Variants in ADGRA1 observed in about 807,000 individuals in gnomAD.
ADGRA1 encodes the protein adhesion G protein-coupled receptor A1.
ADGRA1 carries 12 observed loss-of-function variants against 21.3 expected under a neutral mutation model. That is an observed-to-expected ratio of 0.56 (90% CI 0.36 to 0.91). The LOEUF (loss-of-function observed/expected upper bound fraction) is 0.91, where lower values mean the gene tolerates loss of function less well. ADGRA1 is among the 40% of genes least tolerant of loss of function. ADGRA1 has a pLI of 0.01. For synonymous variants in ADGRA1, 385 were observed against 368.8 expected, an observed-to-expected ratio of 1.04 and a Z score of -0.50; for missense variants, 790 against 805.6, an observed-to-expected ratio of 0.98 and a Z score of 0.23.
Position 133,088,568 on chromosome 10 carries a change from G to A in ADGRA1, c.-202-140G>A, listed in dbSNP as rs376606095. 27 of 391,088 alleles carry A rather than the reference G, an allele frequency of 6.9e-5. No individual in the cohort carries two copies. In the East Asian group the frequency reaches 1.3e-3, roughly 19 times the overall value. 24.2% of individuals were successfully genotyped at this position (391,088 alleles called of 1,614,324 possible). A position where few individuals can be genotyped will look rare whatever the true frequency, so the allele number is the denominator to read the frequency against. ...GTCCCCACCGGCACCGCCTCCGCCA[G>A]CCCCAGGCGCAGCCCCCAGGCCGCC... On this transcript the variant is annotated intron_variant, in intron 1 of 6. Transcript: ENST00000392607.
chr10:133,129,000 C>T lies in ADGRA1; in HGVS notation c.1172C>T (p.Pro391Leu). The T allele has an allele frequency of 6.4e-7, 1 of 1,570,788 alleles. No homozygotes were observed. Among genetic ancestry groups the T allele is most frequent in the South Asian group, 1.2e-5 (1 of 86,200 alleles). The change falls in exon 7 of 7, where the codon CCA becomes CTA. Residue 391 changes from proline to leucine, a missense_variant. By Grantham distance (98) the Pro-to-Leu change is moderately conservative (BLOSUM62 -3). Coordinates refer to ENST00000392607, the MANE Select transcript of ADGRA1 (RefSeq NM_001083909.3). The stretch of plus-strand genomic sequence containing the variant: ...TGCTGCGCCAAGATGCACTGCGAGC[C>T]ACTGACGGCGGACGAGGCGCACGTG... The part of the protein sequence containing the change: ...TPCCAKMHCE[P>L]LTADEAHVHL...
At chr10:133,091,643 CT>C (rs1486406600) in intron 2 of ADGRA1, among the ~76,000 whole-genome samples, 3 of 152,214 alleles carry the variant, frequency 2.0e-5, no homozygotes, top group Non-Finnish European at 4.4e-5. Flanking sequence ...AGGGCTGACT[CT>C]TGGTCATCAG....
chr10:133,105,895 C>A (rs1176714268), intron 5 of ADGRA1, among the ~76,000 whole-genome samples: 1 of 152,216 alleles, frequency 6.6e-6, no homozygotes, highest in African/African-American at 2.4e-5. Flanking sequence ...CCACCTCTCC[C>A]CTCAAGCAGG....
chr10:133,121,950 C>CA (rs1852275909), intron 5 of ADGRA1, among the ~76,000 whole-genome samples: 3 of 142,676 alleles, frequency 2.1e-5, no homozygotes, highest in African/African-American at 7.9e-5. Flanking sequence ...TGTGAGTGTG[C>CA]TTGTGTGAGT....
chr10:133,112,420 C>CAGGCCGCGTCGGTTATTTGAGGTCTGT (rs1852057028), intron 5 of ADGRA1, among the ~76,000 whole-genome samples: 1 of 102,874 alleles, frequency 9.7e-6, no homozygotes. Flanking sequence ...TTGGGGTCTG[C>CAGGCCGCGTCGGTTATTTGAGGTCTGT]GGGCCATGTC....
At position 133,124,168 on chromosome 10, in the gene ADGRA1, TCCCCGGCCAGGCCA is replaced by T. The variant is rs1309846107; in HGVS notation, c.402-3061_402-3048del. 2.7e-5 allele frequency among the ~76,000 whole-genome samples: 4 copies of T among 150,864 alleles called. No individual in the cohort carries two copies. In the East Asian group the frequency reaches 7.9e-4, roughly 30 times the overall value. On this transcript the variant is annotated intron_variant, in intron 5 of 6. Coordinates refer to ENST00000392607, the MANE Select transcript of ADGRA1 (RefSeq NM_001083909.3). ...GCCCACCCTCTTGGGCTCTGCACCCTCCCCGGCCAGGCCACCCTCTTGGGCTCTGCACCCTCCCC... is the reference window on the plus strand; with the variant it reads ...GCCCACCCTCTTGGGCTCTGCACCCTCCCTCTTGGGCTCTGCACCCTCCCC...
intron 5 of ADGRA1, among the ~76,000 whole-genome samples, chr10:133,115,105 G>A (rs1443414313): frequency 6.6e-6 from 1 of 152,178 alleles, no homozygotes; most frequent in East Asian, 1.9e-4. Context: ...CATCGAGAGG[G>A]TCCCGGAAGG....
intron 5 of ADGRA1, among the ~76,000 whole-genome samples, chr10:133,112,370 C>T (rs892323526): frequency 6.6e-6 from 1 of 150,996 alleles, no homozygotes; most frequent in Non-Finnish European, 1.5e-5. Context: ...GGTCTGCGGG[C>T]CGTGTCGGTT....
At chr10:133,103,734 G>A (rs951909478) in intron 5 of ADGRA1, among the ~76,000 whole-genome samples, 3 of 152,224 alleles carry the variant, frequency 2.0e-5, no homozygotes, top group Admixed American at 6.5e-5. Context: ...TGCTTTAGAC[G>A]GGGGTCTGGC....
At chr10:133,090,901 G>A (rs1851587134) in intron 2 of ADGRA1, among the ~76,000 whole-genome samples, 1 of 152,232 alleles carries the variant, frequency 6.6e-6, no homozygotes, top group South Asian at 2.1e-4. Flanking sequence ...CCTCTCAAAA[G>A]GCTGGTTTGT....
intron 5 of ADGRA1, among the ~76,000 whole-genome samples, chr10:133,125,044 C>T (rs1056531926): frequency 2.6e-5 from 4 of 152,262 alleles, no homozygotes; most frequent in African/African-American, 9.6e-5. Context: ...GCCCCTCTAT[C>T]TCCCTGTCTT....
rs183366433 is a variant in ADGRA1, at chr10:133,113,935, G to A, written c.401+11093G>A. On this transcript the variant is annotated intron_variant, in intron 5 of 6. Transcript: ENST00000392607. ...CCCAGCCGTGAGCTTTACAGATGGG[G>A]AAACCAAGGGCCCACAGGCACGGGG... 6.7e-3 allele frequency among the ~76,000 whole-genome samples: 1,026 copies of A among 152,350 alleles called. 11 individuals are homozygous for A. Among genetic ancestry groups the A allele is most frequent in the Middle Eastern group, 0.034 (10 of 294 alleles).
Position 133,129,592 on chromosome 10 carries a change from G to A in ADGRA1, c.*81G>A, listed in dbSNP as rs932008251. On this transcript the variant is annotated 3_prime_UTR_variant, in exon 7 of 7. Transcript: ENST00000392607. ...CATCTGCCACATGAGGTCACTGGGG[G>A]TACCGAAGTGACCCCGCCTTTCAGA... is the stretch of plus-strand genomic sequence containing the variant. 2.4e-6 allele frequency: 3 copies of A among 1,232,818 alleles called. No homozygotes were observed. In the African/African-American group the frequency reaches 4.7e-5, roughly 19 times the overall value. 76.4% of individuals were successfully genotyped at this position (1,232,818 alleles called of 1,614,324 possible). A position where few individuals can be genotyped will look rare whatever the true frequency, so the allele number is the denominator to read the frequency against.
chr10:133,127,784 T>A (rs1369340440), intron 6 of ADGRA1, among the ~76,000 whole-genome samples: 1 of 5,346 alleles, frequency 1.9e-4, no homozygotes, highest in Non-Finnish European at 3.6e-4. Context: ...CAGCTCCACC[T>A]CCGCCTGGCC....
intron 2 of ADGRA1, among the ~76,000 whole-genome samples, chr10:133,094,774 C>G (rs1315338094): frequency 6.6e-6 from 1 of 152,116 alleles, no homozygotes; most frequent in Non-Finnish European, 1.5e-5. Context: ...GGAGGAAAAG[C>G]CATTGACTCT....
intron 6 of ADGRA1, 39 bp downstream of exon 6, chr10:133,127,370 C>G (rs745937429): frequency 6.8e-7 from 1 of 1,471,304 alleles, no homozygotes; most frequent in Admixed American, 2.0e-5. Flanking sequence ...CTGGGAGCAG[C>G]GGGTGGGCTC....
intron 4 of ADGRA1, among the ~76,000 whole-genome samples, chr10:133,101,268 A>G (rs899254914): frequency 3.1e-4 from 47 of 152,330 alleles, no homozygotes; most frequent in Non-Finnish European, 3.1e-4. Flanking sequence ...GCCACAGCTC[A>G]GCACTGAGTG....
chr10:133,095,692 G>A (rs1488047638), intron 2 of ADGRA1: 1 of 1,597,528 alleles, frequency 6.3e-7, no homozygotes. Context: ...GCCAGCCAGG[G>A]CCTCGTCTTG....
chr10:133,130,491 C>G lies in ADGRA1; in HGVS notation c.*980C>G, dbSNP rs1234802685. ...TCTCCATGAACATCTGGGTACCAAGCCCTGACTCAAAGGACAGATGTGGAT... is the reference window on the plus strand; with the variant it reads ...TCTCCATGAACATCTGGGTACCAAGGCCTGACTCAAAGGACAGATGTGGAT... On this transcript the variant is annotated 3_prime_UTR_variant, in exon 7 of 7. Coordinates refer to ENST00000392607, the MANE Select transcript of ADGRA1 (RefSeq NM_001083909.3). 6.6e-6 allele frequency: 1 copy of G among 152,238 alleles called. No individual in the cohort carries two copies. Among genetic ancestry groups the G allele is most frequent in the Non-Finnish European group, 1.5e-5 (1 of 68,042 alleles). 9.4% of individuals were successfully genotyped at this position (152,238 alleles called of 1,614,324 possible).
Sources: gnomAD v4.1 joint callset for allele counts (sites outside exome capture counted in the v4.1 genomes callset) on GRCh38, gnomAD v4.1.1 for gene constraint, MANE v1.5 for transcripts, NCBI Gene and HGNC (gene_info 2026-07-23, HGNC 2026-07-21) for gene names.